Variants in EML2 observed in about 807,000 individuals in gnomAD.
The protein encoded by EML2 is echinoderm microtubule-associated protein-like 2.
EML2 carries 59 observed loss-of-function variants against 84.7 expected under a neutral mutation model. That is an observed-to-expected ratio of 0.70 (90% CI 0.56 to 0.86). The LOEUF (loss-of-function observed/expected upper bound fraction) is 0.86, where lower values mean the gene tolerates loss of function less well. Ranked by LOEUF, EML2 falls within the 40% of genes least tolerant of loss-of-function variation. The pLI is 0.00. For missense variants in EML2, 818 were observed against 855.6 expected (o/e 0.96, Z 0.55); for synonymous variants, 352 against 348.9 (o/e 1.01, Z -0.10).
At chr19:45,645,454 A>G, upstream of EML2, 1 of 1,412,620 alleles carries the variant, frequency 7.1e-7, no homozygotes, top group Non-Finnish European at 9.1e-7. Context: ...TCCCCAGCTC[A>G]GCTCGCCTGG....
chr19:45,616,863 G>C lies in EML2; in HGVS notation c.1323-10C>G, dbSNP rs754084682. ...GTCCAGCAGCAGCCATCTTGAAGGA[G>C]AGGGCGTGGTGGGGGGAGGAGGGGT... On this transcript the variant is annotated splice_polypyrimidine_tract_variant and intron_variant, in intron 13 of 18. Coordinates refer to ENST00000245925, the MANE Select transcript of EML2 (RefSeq NM_012155.4). 16 of 1,609,224 alleles carry C rather than the reference G, an allele frequency of 9.9e-6. No homozygotes were observed. The highest frequency in any genetic ancestry group is 1.4e-5 in the Non-Finnish European group (16 of 1,177,176).
In EML2 at chr19:45,637,319, C is replaced by T. The variant is rs556018843; in HGVS notation, c.179+1186G>A. On this transcript the variant is annotated intron_variant, in intron 3 of 18. Transcript: ENST00000245925. The stretch of plus-strand genomic sequence containing the variant: ...GATTGTTGTCTCCTACCTATAACCT[C>T]AGTTTCCTTATCTGGAAAGGAGGTA... Among the ~76,000 whole-genome samples, 7 of 152,284 alleles carry T rather than the reference C, an allele frequency of 4.6e-5. No individual in the cohort carries two copies. The South Asian group carries it at 1.2e-3, about 27-fold the overall frequency.
Position 45,626,775 on chromosome 19 carries a change from C to A in EML2, c.671G>T (p.Cys224Phe), listed in dbSNP as rs1972385055. The change falls in exon 8 of 19, where the codon TGC becomes TTC. Residue 224 changes from cysteine to phenylalanine, a missense_variant. Cys to Phe is a radical substitution (Grantham distance 205). Transcript: ENST00000245925. ...HPTDPTVLIT[C>F]GKSHIYFWTL... ...CCAGAAGTAGATGTGAGATTTCCCG[C>A]AGGTGATAAGCACAGTGGGGTCCGT... 6.2e-7 allele frequency: 1 copy of A among 1,613,906 alleles called. No individual in the cohort carries two copies. Among genetic ancestry groups the A allele is most frequent in the Non-Finnish European group, 8.5e-7 (1 of 1,179,968 alleles).
chr19:45,636,339 G>C (rs1973721645), intron 3 of EML2, among the ~76,000 whole-genome samples: 1 of 152,226 alleles, frequency 6.6e-6, no homozygotes, highest in African/African-American at 2.4e-5. Flanking sequence ...CAAGCTGATA[G>C]TTATCTGGTT....
chr19:45,639,765 G>A (rs1225255174), upstream of EML2, among the ~76,000 whole-genome samples: 5 of 152,056 alleles, frequency 3.3e-5, no homozygotes, highest in African/African-American at 9.7e-5. Context: ...AGGCCGAGGC[G>A]GGCAGATCAC....
At chr19:45,627,269 T>C (rs1246082943) in intron 7 of EML2, among the ~76,000 whole-genome samples, 4 of 145,320 alleles carry the variant, frequency 2.8e-5, no homozygotes, top group Non-Finnish European at 6.0e-5. Flanking sequence ...TTTTTTTTTT[T>C]TTTTGAATAT....
chr19:45,616,810 G>A lies in EML2; in HGVS notation c.1366C>T (p.His456Tyr), dbSNP rs777499431. 1.2e-6 allele frequency: 2 copies of A among 1,613,452 alleles called. No individual in the cohort carries two copies. The highest frequency in any genetic ancestry group is 1.1e-5 in the South Asian group (1 of 91,064). Residue 456 changes from histidine to tyrosine, a missense_variant, in exon 14 of 19, where the codon CAC becomes TAC. By Grantham distance (83) the His-to-Tyr change is moderately conservative. Transcript: ENST00000245925. ...GAGATCTGTTCATTGCCGTCTGTGT[G>A]GATAGCCACCAGGTCATGGGTCTCC... is the stretch of plus-strand genomic sequence containing the variant. ...DTETHDLVAI[H>Y]TDGNEQISVV...
intron 6 of EML2, among the ~76,000 whole-genome samples, chr19:45,632,193 T>A (rs1356855653): frequency 2.5e-5 from 1 of 39,622 alleles, no homozygotes; most frequent in African/African-American, 2.3e-4. Context: ...GCACCTGGCC[T>A]TTTTTTTTTT....
At chr19:45,618,633 G>A (rs1178567333) in intron 12 of EML2, among the ~76,000 whole-genome samples, 1 of 151,910 alleles carries the variant, frequency 6.6e-6, no homozygotes, top group African/African-American at 2.4e-5. Context: ...TTCCCTAGAT[G>A]AAACCCCCAC....
upstream of EML2, chr19:45,641,945 G>A (rs1306069599): frequency 2.1e-6 from 3 of 1,443,860 alleles, no homozygotes; most frequent in African/African-American, 1.4e-5. Context: ...CTCCTTCTTG[G>A]GAGAGGATGG....
At chr19:45,616,352 GCAGAAT>G in intron 15 of EML2, 103 bp downstream of exon 15, 4 of 798,636 alleles carry the variant, frequency 5.0e-6, no homozygotes, top group Non-Finnish European at 8.1e-6. Context: ...TCTGATCAGG[GCAGAAT>G]CAGTTGAGTG....
At chr19:45,633,542 C>T (rs990244182) in intron 4 of EML2, among the ~76,000 whole-genome samples, 4 of 151,882 alleles carry the variant, frequency 2.6e-5, no homozygotes, top group African/African-American at 7.3e-5. Context: ...AGTTTGACAC[C>T]TGCCTGGCCA....
chr19:45,645,012 A>G (rs2122863706), upstream of EML2: 1 of 559,978 alleles, frequency 1.8e-6, no homozygotes. Context: ...TTCCAATCCC[A>G]GGTTCCTTCG....
chr19:45,635,583 CTTTTTTTTTTTTTTTT>C (rs1172930803), intron 3 of EML2, among the ~76,000 whole-genome samples: 2 of 108,486 alleles, frequency 1.8e-5, no homozygotes, highest in Non-Finnish European at 3.7e-5. Flanking sequence ...TGTCTGTTTC[CTTTTTTTTTTTTTTTT>C]TTTTTTTTTT....
In EML2 at chr19:45,638,560, A is replaced by C. The variant is rs1359112520; in HGVS notation, c.124T>G (p.Tyr42Asp). ...MMIPDELAPT[Y>D]SLDTRSELPS... is the part of the protein sequence containing the mutation. ...AGCTCCGAGCGTGTGTCCAGGCTGT[A>C]GGTGGGTGCCAGCTCGTCTGGGATC... The change falls in exon 3 of 19, where the codon TAC (tyrosine) becomes GAC (aspartate). Residue 42 changes from tyrosine to aspartate, a missense_variant. Coordinates refer to ENST00000245925, the MANE Select transcript of EML2 (RefSeq NM_012155.4). The C allele has an allele frequency of 6.2e-7, 1 of 1,614,110 alleles. No individual in the cohort carries two copies. Among genetic ancestry groups the C allele is most frequent in the South Asian group, 1.1e-5 (1 of 91,078 alleles).
At chr19:45,610,563 C>T (rs1012991092) in intron 18 of EML2, among the ~76,000 whole-genome samples, 1 of 151,912 alleles carries the variant, frequency 6.6e-6, no homozygotes, top group Non-Finnish European at 1.5e-5. Flanking sequence ...TTAGGCCTGG[C>T]GTGGTGGCTC....
intron 6 of EML2, among the ~76,000 whole-genome samples, chr19:45,630,503 G>A (rs1972900575): frequency 6.8e-6 from 1 of 147,748 alleles, no homozygotes; most frequent in Non-Finnish European, 1.5e-5. Flanking sequence ...AGTGAGCCAA[G>A]ATTGCGCCAT....
At chr19:45,638,418 G>A (rs1974023862) in intron 3 of EML2, 87 bp downstream of exon 3, 6 of 1,587,024 alleles carry the variant, frequency 3.8e-6, no homozygotes, top group Non-Finnish European at 5.2e-6. Context: ...CCAAAGTGCT[G>A]AGATTACAGG....
At position 45,632,842 on chromosome 19, in the gene EML2, G is replaced by A. The variant is rs777600688; in HGVS notation, c.510+19C>T. ...TTTTCGGGGCGAAGGGGCGGGGTTA[G>A]GGTGGGCGAAGGACTTACAGATTTG... On this transcript the variant is annotated intron_variant, in intron 6 of 18. Coordinates refer to ENST00000245925, the MANE Select transcript of EML2 (RefSeq NM_012155.4). 19 of 1,606,784 alleles carry A rather than the reference G, an allele frequency of 1.2e-5. No individual in the cohort carries two copies. The Admixed American group carries it at 2.2e-4, about 18-fold the overall frequency.
Sources: allele counts gnomAD v4.1 joint callset (sites outside exome capture counted in the v4.1 genomes callset), GRCh38; gene constraint gnomAD v4.1.1; transcripts MANE v1.5; gene names NCBI Gene and HGNC (gene_info 2026-07-23, HGNC 2026-07-21).